CSMD1: variants seen among roughly 807,000 people sequenced by gnomAD.
The protein encoded by CSMD1 is CUB and Sushi multiple domains 1, also known as CUB and sushi domain-containing protein 1.
CSMD1 carries 213 observed loss-of-function variants against 417.5 expected under a neutral mutation model. The ratio of observed to expected loss-of-function variants is 0.51; its 90% CI spans 0.46 to 0.57. CSMD1 has a LOEUF of 0.57. Among genes scored for constraint, CSMD1 ranks in the 20% least tolerant of loss-of-function variants. The pLI is 0.00. For missense variants in CSMD1, 6,923 were observed against 4,529.7 expected, an observed-to-expected ratio of 1.53 and a Z score of -15.17; for synonymous variants, 2,862 against 1,736.8, an observed-to-expected ratio of 1.65 and a Z score of -16.11.
intron 1 of CSMD1, among the ~76,000 whole-genome samples, chr8:4,765,113 A>C: frequency 6.6e-6 from 1 of 152,094 alleles, no homozygotes; most frequent in Middle Eastern, 3.2e-3. Flanking sequence ...ACTGGGTTCA[A>C]ATCTTGGGTC....
chr8:3,026,649 C>G (rs778141357), intron 51 of CSMD1, among the ~76,000 whole-genome samples: 2 of 152,224 alleles, frequency 1.3e-5, no homozygotes, highest in Non-Finnish European at 2.9e-5. Context: ...ACACCGTGAA[C>G]TCTGCCCTGT....
At chr8:4,330,734 C>A (rs975973232) in intron 3 of CSMD1, among the ~76,000 whole-genome samples, 2 of 152,164 alleles carry the variant, frequency 1.3e-5, no homozygotes, top group East Asian at 3.9e-4. Context: ...AAGTTCGTGA[C>A]TTATCTGCAT....
intron 3 of CSMD1, among the ~76,000 whole-genome samples, chr8:4,178,259 T>C (rs1325666218): frequency 1.3e-5 from 2 of 152,108 alleles, no homozygotes; most frequent in Non-Finnish European, 2.9e-5. Context: ...ATCCCTGGGA[T>C]GCAAGGCTGG....
chr8:4,153,876 G>C (rs939022575), intron 3 of CSMD1, among the ~76,000 whole-genome samples: 1 of 152,222 alleles, frequency 6.6e-6, no homozygotes, highest in Admixed American at 6.5e-5. Flanking sequence ...CTGACTCATG[G>C]CAGCAAACTA....
chr8:3,443,172 C>G (rs887976336), intron 12 of CSMD1, among the ~76,000 whole-genome samples: 3 of 151,984 alleles, frequency 2.0e-5, no homozygotes, highest in Non-Finnish European at 4.4e-5. Flanking sequence ...CCTTCTGCTG[C>G]AAAAAAATGT....
chr8:3,826,284 G>C (rs951636788), intron 5 of CSMD1, among the ~76,000 whole-genome samples: 3 of 151,964 alleles, frequency 2.0e-5, no homozygotes, highest in Non-Finnish European at 2.9e-5. Context: ...TACCACCCAG[G>C]GTAATGAAGG....
chr8:3,270,455 G>C (rs1411703678), intron 26 of CSMD1, among the ~76,000 whole-genome samples: 2 of 152,176 alleles, frequency 1.3e-5, no homozygotes, highest in African/African-American at 4.8e-5. Context: ...CCAGGTGATA[G>C]ATTAAAAACT....
At chr8:3,903,238 T>G (rs1469691772) in intron 5 of CSMD1, among the ~76,000 whole-genome samples, 1 of 152,098 alleles carries the variant, frequency 6.6e-6, no homozygotes, top group African/African-American at 2.4e-5. Flanking sequence ...ATTTACTCCT[T>G]GTCTCTGCCA....
intron 2 of CSMD1, among the ~76,000 whole-genome samples, chr8:4,571,514 T>C (rs181694328): frequency 6.6e-6 from 1 of 152,218 alleles, no homozygotes; most frequent in African/African-American, 2.4e-5. Flanking sequence ...AGACTGTTTG[T>C]TATGATTTAT....
intron 50 of CSMD1, among the ~76,000 whole-genome samples, chr8:3,049,255 C>G (rs1324917981): frequency 6.6e-6 from 1 of 152,126 alleles, no homozygotes; most frequent in Non-Finnish European, 1.5e-5. Flanking sequence ...ATGTTAAAAA[C>G]TTATGTCTGT....
intron 5 of CSMD1, among the ~76,000 whole-genome samples, chr8:3,898,279 A>G (rs1340956122): frequency 1.3e-5 from 2 of 151,522 alleles, no homozygotes; most frequent in Non-Finnish European, 2.9e-5. Flanking sequence ...GAATACAACC[A>G]AAAAAAACCC....
At chr8:4,093,985 GATAGA>G (rs757043645) in intron 3 of CSMD1, among the ~76,000 whole-genome samples, 3 of 151,778 alleles carry the variant, frequency 2.0e-5, no homozygotes, top group East Asian at 3.9e-4. Context: ...TAGATAGATA[GATAGA>G]TAGATAGATA....
intron 2 of CSMD1, among the ~76,000 whole-genome samples, chr8:4,523,415 A>G (rs1585199617): frequency 6.6e-6 from 1 of 152,080 alleles, no homozygotes; most frequent in East Asian, 1.9e-4. Context: ...CTACTTTTGT[A>G]TTAAGTACAC....
At chr8:4,390,307 T>C (rs1803755089) in intron 3 of CSMD1, among the ~76,000 whole-genome samples, 1 of 152,044 alleles carries the variant, frequency 6.6e-6, no homozygotes, top group Non-Finnish European at 1.5e-5. Flanking sequence ...TATCTCTTAT[T>C]GAAGTTAATT....
chr8:4,114,132 G>T (rs182443851), intron 3 of CSMD1, among the ~76,000 whole-genome samples: 2 of 152,192 alleles, frequency 1.3e-5, no homozygotes, highest in African/African-American at 4.8e-5. Flanking sequence ...GGAGGAAAGA[G>T]GGTAAGTCAA....
chr8:3,567,489 G>A (rs1055146743), intron 10 of CSMD1, among the ~76,000 whole-genome samples: 2 of 142,134 alleles, frequency 1.4e-5, no homozygotes, highest in African/African-American at 5.2e-5. Context: ...AACAACAAAA[G>A]GAAGAAAGGA....
chr8:4,697,734 A>C (rs1563164375), intron 1 of CSMD1, among the ~76,000 whole-genome samples: 1 of 152,202 alleles, frequency 6.6e-6, no homozygotes, highest in African/African-American at 2.4e-5. Context: ...TTAATAACTC[A>C]AAGTAAAAAA....
intron 7 of CSMD1, among the ~76,000 whole-genome samples, chr8:3,643,696 G>A (rs1797428053): frequency 1.5e-5 from 1 of 65,170 alleles, no homozygotes; most frequent in Non-Finnish European, 2.6e-5. Context: ...GTGAGACTCC[G>A]TCTCAAAAAA....
chr8:3,085,521 T>C (rs1814462157), intron 49 of CSMD1, among the ~76,000 whole-genome samples: 1 of 152,230 alleles, frequency 6.6e-6, no homozygotes, highest in African/African-American at 2.4e-5. Context: ...TCTGCCATGT[T>C]CCACACAAAG....
Sources: allele counts gnomAD v4.1 joint callset (sites outside exome capture counted in the v4.1 genomes callset), GRCh38; gene constraint gnomAD v4.1.1; transcripts MANE v1.5; gene names NCBI Gene and HGNC (gene_info 2026-07-23, HGNC 2026-07-21).